The following ROBO2 variants were observed in gnomAD, a reference collection of about 807,000 sequenced individuals.
ROBO2 encodes roundabout homolog 2.
In ROBO2, 53 loss-of-function variants were observed where a neutral mutation model predicts 160.8. That is an observed-to-expected ratio of 0.33 (90% confidence interval 0.26 to 0.41). The LOEUF is 0.41. Ranked by LOEUF, ROBO2 falls within the 10% of genes least tolerant of loss-of-function variation. ROBO2 has a pLI of 1.00. For synonymous variants in ROBO2, 664 were observed against 611.7 expected (o/e 1.09, Z -1.26); for missense variants, 1,577 against 1,722.4 (o/e 0.92, Z 1.49).
chr3:77,351,014 G>C (rs1234413231), intron 2 of ROBO2, among the ~76,000 whole-genome samples: 2 of 152,150 alleles, frequency 1.3e-5, no homozygotes, highest in Non-Finnish European at 2.9e-5. Flanking sequence ...TTATGCTTTG[G>C]TGGTTTCTCC....
chr3:76,132,904 G>C lies in ROBO2; in HGVS notation c.109+195302G>C, dbSNP rs542687530. ...ATGGGAAGAAAGCGCAAAGTGAATG[G>C]CTTAAAATCACGGATGCTGGAGACA... On this transcript the variant is annotated intron_variant, in intron 2 of 26. Coordinates refer to the ROBO2 transcript ENST00000487694. Among the ~76,000 whole-genome samples, 16 of 152,240 alleles carry C rather than the reference G, an allele frequency of 1.1e-4. No individual in the cohort carries two copies. The East Asian group carries it at 2.9e-3, about 28-fold the overall frequency.
At chr3:77,628,070 C>T (rs1432132351) in intron 23 of ROBO2, among the ~76,000 whole-genome samples, 1 of 152,152 alleles carries the variant, frequency 6.6e-6, no homozygotes, top group Non-Finnish European at 1.5e-5. Flanking sequence ...ATGTGCAGTA[C>T]TACTTTAACA....
chr3:76,347,195 C>CAT (rs2074583485), intron 2 of ROBO2, among the ~76,000 whole-genome samples: 1 of 152,160 alleles, frequency 6.6e-6, no homozygotes, highest in Non-Finnish European at 1.5e-5. Flanking sequence ...TATCCACCTT[C>CAT]ATATCACCTA....
At chr3:76,104,214 T>A (rs1328430818) in intron 2 of ROBO2, among the ~76,000 whole-genome samples, 1 of 152,188 alleles carries the variant, frequency 6.6e-6, no homozygotes, top group Non-Finnish European at 1.5e-5. Context: ...TTTCATACAG[T>A]GATTTAAACC....
chr3:76,219,850 T>C (rs941006471), intron 2 of ROBO2, among the ~76,000 whole-genome samples: 3 of 152,114 alleles, frequency 2.0e-5, no homozygotes, highest in African/African-American at 7.2e-5. Context: ...GGATTATAAA[T>C]CATGCTGCTA....
At chr3:77,244,792 C>T (rs891019260) in intron 2 of ROBO2, among the ~76,000 whole-genome samples, 12 of 150,514 alleles carry the variant, frequency 8.0e-5, no homozygotes, top group South Asian at 6.3e-4. Context: ...GCAGGGGAAT[C>T]GCTTGAACCT....
intron 2 of ROBO2, among the ~76,000 whole-genome samples, chr3:76,897,518 A>C (rs1168489221): frequency 6.6e-6 from 1 of 152,154 alleles, no homozygotes; most frequent in Non-Finnish European, 1.5e-5. Flanking sequence ...GTTGATGTAA[A>C]GTGCAGACAC....
chr3:77,110,680 T>C (rs1294145355), intron 2 of ROBO2, among the ~76,000 whole-genome samples: 1 of 149,060 alleles, frequency 6.7e-6, no homozygotes, highest in Non-Finnish European at 1.5e-5. Context: ...TATATATGTA[T>C]ATACATATAT....
At chr3:76,325,122 A>G (rs1011226434) in intron 2 of ROBO2, among the ~76,000 whole-genome samples, 2 of 152,194 alleles carry the variant, frequency 1.3e-5, no homozygotes, top group Admixed American at 6.5e-5. Flanking sequence ...AAACAAACAA[A>G]CAAAACAGAT....
intron 2 of ROBO2, among the ~76,000 whole-genome samples, chr3:76,071,809 T>G (rs2068464773): frequency 6.6e-6 from 1 of 152,026 alleles, no homozygotes; most frequent in African/African-American, 2.4e-5. Flanking sequence ...TTATTATTAT[T>G]AATTAAAAGC....
intron 2 of ROBO2, among the ~76,000 whole-genome samples, chr3:77,170,556 C>T (rs1227777104): frequency 2.6e-5 from 4 of 151,972 alleles, no homozygotes; most frequent in East Asian, 1.9e-4. Flanking sequence ...TTATAAAATA[C>T]GTATCTTCTC....
chr3:77,060,338 T>C (rs573324477), intron 1 of ROBO2, among the ~76,000 whole-genome samples: 1 of 152,254 alleles, frequency 6.6e-6, no homozygotes, highest in East Asian at 1.9e-4. Context: ...TGGGAGAAAA[T>C]TGAATTGGAG....
At chr3:76,090,325 C>G (rs2069179549) in intron 2 of ROBO2, among the ~76,000 whole-genome samples, 1 of 152,130 alleles carries the variant, frequency 6.6e-6, no homozygotes, top group Non-Finnish European at 1.5e-5. Flanking sequence ...GCCTGTAATC[C>G]CAGCTGCTCG....
At position 77,543,368 on chromosome 3, in the gene ROBO2, C is replaced by A. The variant is rs76103976; in HGVS notation, c.935-2970C>A. Among the ~76,000 whole-genome samples the A allele has an allele frequency of 6.6e-3, 1,004 of 152,268 alleles. 10 individuals carry two copies. The highest frequency in any genetic ancestry group is 0.022 in the African/African-American group (902 of 41,550). ...CCAACCAGAATGTATCATCATTTTT[C>A]GTCAATCAGTACATTTTGTGTGAAT... is the stretch of plus-strand genomic sequence containing the variant. On this transcript the variant is annotated intron_variant, in intron 6 of 25. Coordinates refer to ENST00000461745, the Ensembl canonical transcript of ROBO2.
chr3:75,995,165 T>C (rs917154054), intron 2 of ROBO2, among the ~76,000 whole-genome samples: 2 of 152,190 alleles, frequency 1.3e-5, no homozygotes, highest in African/African-American at 4.8e-5. Context: ...AGCTAAATGC[T>C]AATCATCAAG....
At position 76,854,018 on chromosome 3, in the gene ROBO2, T is replaced by TTCTCTCTCTC. The variant is rs573633101; in HGVS notation, c.110-243956_110-243947dup. Among the ~76,000 whole-genome samples the TTCTCTCTCTC allele has an allele frequency of 6.7e-4, 79 of 117,266 alleles. 1 individual carries two copies. The highest frequency in any genetic ancestry group is 1.3e-3 in the African/African-American group (42 of 31,964). The allele number at this position is 117,266 out of a possible 152,430, so 76.9% of individuals were successfully genotyped here. A position where few individuals can be genotyped will look rare whatever the true frequency, so the allele number is the denominator to read the frequency against. ...AAATGGACAGCCAAAAGCATAGACT[T>TTCTCTCTCTC]TCTCTCTCTCTCTCTCTCTCTCTCT... is the stretch of plus-strand genomic sequence containing the variant. On this transcript the variant is annotated intron_variant, in intron 2 of 26. Coordinates refer to the ROBO2 transcript ENST00000487694.
intron 2 of ROBO2, among the ~76,000 whole-genome samples, chr3:76,944,177 C>A (rs986405646): frequency 1.3e-5 from 2 of 152,096 alleles, no homozygotes; most frequent in Non-Finnish European, 2.9e-5. Flanking sequence ...ATAACTTCTA[C>A]AATGAGTCAT....
At position 77,098,350 on chromosome 3, in the gene ROBO2, C is replaced by T; in HGVS notation, c.388+10C>T. The T allele has an allele frequency of 6.2e-7, 1 of 1,612,990 alleles. No homozygotes were observed. The highest frequency in any genetic ancestry group is 1.3e-5 in the African/African-American group (1 of 75,024). ...TCTCTGGAAGTGGCATGTAAGTGAA[C>T]ATAATGAACCTCATGTGCACATTTA... On this transcript the variant is annotated intron_variant, in intron 2 of 25. Coordinates refer to ENST00000461745, the Ensembl canonical transcript of ROBO2.
At chr3:77,511,617 G>A (rs1163117755) in intron 5 of ROBO2, among the ~76,000 whole-genome samples, 2 of 151,964 alleles carry the variant, frequency 1.3e-5, no homozygotes, top group African/African-American at 2.4e-5. Flanking sequence ...AGGGGTTTGC[G>A]TTTTTCAGTC....
Sources: allele counts gnomAD v4.1 joint callset (sites outside exome capture counted in the v4.1 genomes callset), GRCh38; gene constraint gnomAD v4.1.1; transcripts MANE v1.5; gene names NCBI Gene and HGNC (gene_info 2026-07-23, HGNC 2026-07-21).